CDK5R2: variants seen among roughly 807,000 people sequenced by gnomAD.
The protein encoded by CDK5R2 is cyclin dependent kinase 5 regulatory subunit 2.
In CDK5R2, 7 loss-of-function variants were observed where a neutral mutation model predicts 23.1. That is an observed-to-expected ratio of 0.30 (90% CI 0.17 to 0.57). The LOEUF (loss-of-function observed/expected upper bound fraction) is 0.57, where lower values mean the gene tolerates loss of function less well. Among genes scored for constraint, CDK5R2 ranks in the 20% least tolerant of loss-of-function variants. The probability of loss-of-function intolerance (pLI) is 0.91; values close to 1 mark genes in which losing one functional copy is unlikely to be tolerated. For synonymous variants in CDK5R2, 242 were observed against 264.9 expected (o/e 0.91, Z 0.84); for missense variants, 380 against 537.6 (o/e 0.71, Z 2.90).
Position 218,960,129 on chromosome 2 carries a change from C to T in CDK5R2, c.309C>T (p.Asn103=). 6.3e-7 allele frequency: 1 copy of T among 1,591,748 alleles called. No individual in the cohort carries two copies. The highest frequency in any genetic ancestry group is 8.5e-7 in the Non-Finnish European group (1 of 1,171,398). Residue 103 remains asparagine, a synonymous_variant, in exon 1 of 1, where the codon AAC becomes AAT. Transcript: ENST00000302625. ...TGGTCCAGCAACGCAACCGCGAGAA[C>T]CTTCTCCGCAAGGGCCGGGATCCCC... The part of the protein sequence containing the change: ...DPLVQQRNRE[N]LLRKGRDPPD...
Position 218,960,143 on chromosome 2 carries a change from G to C in CDK5R2, c.323G>C (p.Gly108Ala). 1.3e-6 allele frequency: 2 copies of C among 1,573,690 alleles called. No individual in the cohort carries two copies. The highest frequency in any genetic ancestry group is 2.3e-5 in the South Asian group (2 of 86,630). ...AACCGCGAGAACCTTCTCCGCAAGG[G>C]CCGGGATCCCCCCGACGGCGGCGGC... ...QRNRENLLRKGRDPPDGGGTA... is the reference protein window; with the variant it reads ...QRNRENLLRKARDPPDGGGTA... The change falls in exon 1 of 1, where the codon GGC (glycine) becomes GCC (alanine). Residue 108 changes from glycine (G) to alanine (A), a missense_variant. Gly to Ala is a moderately conservative substitution (Grantham distance 60). This residue lies in a region of CDK5R2 where 197 missense variants were observed against 246.4 expected (regional missense o/e 0.80). Coordinates refer to ENST00000302625, the MANE Select transcript of CDK5R2 (RefSeq NM_003936.5).
In CDK5R2 at chr2:218,960,289, C is replaced by A; in HGVS notation, c.469C>A (p.Pro157Thr). ...GGGCTCGGGCGGGGGAAAGCCTCCGCCGCCGCCTCCCCCAGCCCCGCAGGT... is the reference window on the plus strand; with the variant it reads ...GGGCTCGGGCGGGGGAAAGCCTCCGACGCCGCCTCCCCCAGCCCCGCAGGT... ...PPGSGGGKPP[P>T]PPPPAPQVAP... Residue 157 changes from proline (P) to threonine (T), a missense_variant, in exon 1 of 1, where the codon CCG (proline) becomes ACG (threonine). This residue lies in a region of CDK5R2 where 197 missense variants were observed against 246.4 expected (regional missense o/e 0.80). Transcript: ENST00000302625. The A allele has an allele frequency of 1.5e-6, 2 of 1,353,666 alleles. No individual in the cohort carries two copies. The allele number at this position is 1,353,666 out of a possible 1,614,324, so 83.9% of individuals were successfully genotyped here.
Position 218,960,610 on chromosome 2 carries a change from A to G in CDK5R2, c.790A>G (p.Thr264Ala). Residue 264 changes from threonine to alanine, a missense_variant, in exon 1 of 1, where the codon ACC becomes GCC. Thr to Ala is a moderately conservative substitution (Grantham distance 58). Coordinates refer to ENST00000302625, the MANE Select transcript of CDK5R2 (RefSeq NM_003936.5). ...SAAELQAAFL[T>A]CLYLAYSYMG... is the part of the protein sequence containing the mutation. ...CGCCGAGCTGCAGGCCGCCTTCCTCACCTGCCTCTACCTCGCCTACTCCTA... is the reference window on the plus strand; with the variant it reads ...CGCCGAGCTGCAGGCCGCCTTCCTCGCCTGCCTCTACCTCGCCTACTCCTA... 6.2e-7 allele frequency: 1 copy of G among 1,613,084 alleles called. No individual in the cohort carries two copies. The highest frequency in any genetic ancestry group is 8.5e-7 in the Non-Finnish European group (1 of 1,179,746).
rs11552546 is a variant in CDK5R2 at position 218,960,091 on chromosome 2, G to T, written c.271G>T (p.Gly91Cys). The T allele has an allele frequency of 4.4e-6, 7 of 1,602,064 alleles. No homozygotes were observed. Among genetic ancestry groups the T allele is most frequent in the Non-Finnish European group, 5.1e-6 (6 of 1,175,384 alleles). The change falls in exon 1 of 1, where the codon GGC becomes TGC. Residue 91 changes from glycine to cysteine, a missense_variant. Physicochemically the swap from Gly to Cys is radical, Grantham distance 159. Transcript: ENST00000302625. ...KKVTPKPASTGPDPLVQQRNR... is the reference protein window; with the variant it reads ...KKVTPKPASTCPDPLVQQRNR... ...GGTGACACCCAAGCCGGCATCCACG[G>T]GCCCCGACCCCCTGGTCCAGCAACG...
rs1945202239 is a variant in CDK5R2, at chr2:218,961,123, G to C, written c.*199G>C. The C allele has an allele frequency of 4.6e-6, 2 of 435,574 alleles. No homozygotes were observed. The highest frequency in any genetic ancestry group is 1.9e-4 in the South Asian group (2 of 10,648). The allele number at this position is 435,574 out of a possible 1,614,324, so 27.0% of individuals were successfully genotyped here. A position where few individuals can be genotyped will look rare whatever the true frequency, so the allele number is the denominator to read the frequency against. On this transcript the variant is annotated 3_prime_UTR_variant, in exon 1 of 1. Transcript: ENST00000302625. The surrounding 1 kb of genome is among the most constrained non-coding windows in gnomAD (Gnocchi z 4.4). ...TGTTTGGATTTGCTGGGCGTGGAGT[G>C]GGGACGGAAGATGAGCGCGGGAAAG...
rs1945201752 is a variant in CDK5R2, at chr2:218,961,062, A to C, written c.*138A>C. 2 of 479,334 alleles carry C rather than the reference A, an allele frequency of 4.2e-6. No individual in the cohort carries two copies. The highest frequency in any genetic ancestry group is 2.1e-5 in the African/African-American group (1 of 48,686). 29.7% of individuals were successfully genotyped at this position (479,334 alleles called of 1,614,324 possible). ...GGAGGAGGAGACGCCCATGCCCCTC[A>C]GGGGAAAGTGGAGACCGGGACACCA... On this transcript the variant is annotated 3_prime_UTR_variant, in exon 1 of 1. Transcript: ENST00000302625. This position sits in a 1 kb window ranked among gnomAD's most constrained non-coding sequence, Gnocchi z 4.4.
At position 218,961,900 on chromosome 2, in the gene CDK5R2, TG is replaced by T; in HGVS notation, c.*977del. 1 of 166,814 alleles carries T rather than the reference TG, an allele frequency of 6.0e-6. No individual in the cohort carries two copies. Among genetic ancestry groups the T allele is most frequent in the East Asian group, 1.9e-4 (1 of 5,142 alleles). The allele number at this position is 166,814 out of a possible 1,614,324, so 10.3% of individuals were successfully genotyped here. A position where few individuals can be genotyped will look rare whatever the true frequency, so the allele number is the denominator to read the frequency against. ...CCCGCTTCCTTATCCTTAGCTTTTT[TG>T]TTGCTCCTCCCCACTGCCCCTTTTA... On this transcript the variant is annotated 3_prime_UTR_variant, in exon 1 of 1. Transcript: ENST00000302625. This position sits in a 1 kb window ranked among gnomAD's most constrained non-coding sequence, Gnocchi z 4.4.
chr2:218,959,775 G>A lies in CDK5R2; in HGVS notation c.-46G>A. 8.1e-7 allele frequency: 1 copy of A among 1,235,114 alleles called. No individual in the cohort carries two copies. Among genetic ancestry groups the A allele is most frequent in the Non-Finnish European group, 1.0e-6 (1 of 990,770 alleles). The allele number at this position is 1,235,114 out of a possible 1,614,324, so 76.5% of individuals were successfully genotyped here. A position where few individuals can be genotyped will look rare whatever the true frequency, so the allele number is the denominator to read the frequency against. On this transcript the variant is annotated 5_prime_UTR_variant, in exon 1 of 1. Coordinates refer to ENST00000302625, the MANE Select transcript of CDK5R2 (RefSeq NM_003936.5). This position sits in a 1 kb window ranked among gnomAD's most constrained non-coding sequence, Gnocchi z 4.0. The stretch of plus-strand genomic sequence containing the variant: ...CCGGGGCTGCAGTAGCAGCGGCGCC[G>A]CCCGCGGCTCCCGCTGGGGCCTGGG...
chr2:218,960,239 G>T lies in CDK5R2; in HGVS notation c.419G>T (p.Gly140Val). 7.7e-7 allele frequency: 1 copy of T among 1,295,596 alleles called. No individual in the cohort carries two copies. Among genetic ancestry groups the T allele is most frequent in the Non-Finnish European group, 9.7e-7 (1 of 1,028,818 alleles). 80.3% of individuals were successfully genotyped at this position (1,295,596 alleles called of 1,614,324 possible). A position where few individuals can be genotyped will look rare whatever the true frequency, so the allele number is the denominator to read the frequency against. Residue 140 changes from glycine to valine, a missense_variant, in exon 1 of 1, where the codon GGG (glycine) becomes GTG (valine). Around this residue, in one of 3 missense-constraint regions of CDK5R2, gnomAD observed 197 missense variants for 246.4 expected, o/e 0.80. Transcript: ENST00000302625. ...GCCGCCACCTGCGAGCCACCGTCGG[G>T]GGGCAGCGCGGCCGCTCAGCCGCCG... Reference protein sequence around the residue: ...AAAATCEPPSGGSAAAQPPGS... With the variant: ...AAAATCEPPSVGSAAAQPPGS...
Position 218,960,419 on chromosome 2 carries a change from G to A in CDK5R2, c.599G>A (p.Arg200His), listed in dbSNP as rs1244234731. ...GACTTCGTGTGCCGACGCTGCTATC[G>A]CCTCAAGGAGCTGAGCCCGGGCGAG... The part of the protein sequence containing the change: ...LGDFVCRRCY[R>H]LKELSPGELV... The change falls in exon 1 of 1, where the codon CGC (arginine) becomes CAC (histidine). Residue 200 changes from arginine to histidine, a missense_variant. This residue lies in a region of CDK5R2 where 124 missense variants were observed against 235.5 expected (regional missense o/e 0.53). Transcript: ENST00000302625. The A allele has an allele frequency of 6.2e-7, 1 of 1,608,654 alleles. No individual in the cohort carries two copies. Among genetic ancestry groups the A allele is most frequent in the East Asian group, 2.2e-5 (1 of 44,824 alleles).
rs1945211891 is a variant in CDK5R2 at position 218,962,026 on chromosome 2, G to C, written c.*1102G>C. 1 of 167,250 alleles carries C rather than the reference G, an allele frequency of 6.0e-6. No homozygotes were observed. Among genetic ancestry groups the C allele is most frequent in the South Asian group, 2.1e-4 (1 of 4,834 alleles). 10.4% of individuals were successfully genotyped at this position (167,250 alleles called of 1,614,324 possible). A position where few individuals can be genotyped will look rare whatever the true frequency, so the allele number is the denominator to read the frequency against. ...GGGCGGGACCGGAATCCTCCCGGTA[G>C]GGTACCAGGGACTGAGTTGGGCCTG... On this transcript the variant is annotated 3_prime_UTR_variant, in exon 1 of 1. Transcript: ENST00000302625.
Position 218,961,144 on chromosome 2 carries a change from G to A in CDK5R2, c.*220G>A. Reference sequence around the variant, plus strand: ...GAGTGGGGACGGAAGATGAGCGCGGGAAAGGCACTCCAACCTCACTCTTCC... The same window carrying A: ...GAGTGGGGACGGAAGATGAGCGCGGAAAAGGCACTCCAACCTCACTCTTCC... On this transcript the variant is annotated 3_prime_UTR_variant, in exon 1 of 1. Transcript: ENST00000302625. The surrounding 1 kb of genome is among the most constrained non-coding windows in gnomAD (Gnocchi z 4.4). 2.3e-6 allele frequency: 1 copy of A among 427,386 alleles called. No individual in the cohort carries two copies. The highest frequency in any genetic ancestry group is 4.2e-6 in the Non-Finnish European group (1 of 238,530). The allele number at this position is 427,386 out of a possible 1,614,324, so 26.5% of individuals were successfully genotyped here. A position where few individuals can be genotyped will look rare whatever the true frequency, so the allele number is the denominator to read the frequency against.
At position 218,959,991 on chromosome 2, in the gene CDK5R2, G is replaced by A; in HGVS notation, c.171G>A (p.Pro57=). The change falls in exon 1 of 1, where the codon CCG becomes CCA. Residue 57 remains proline, a synonymous_variant. Coordinates refer to ENST00000302625, the MANE Select transcript of CDK5R2 (RefSeq NM_003936.5). This position sits in a 1 kb window ranked among gnomAD's most constrained non-coding sequence, Gnocchi z 4.0. Reference sequence around the variant, plus strand: ...AAGGCGAGAGCCGACTCAAGCGGCCGTCCGTGCTCATCTCGGCGCTCACCT... The same window carrying A: ...AAGGCGAGAGCCGACTCAAGCGGCCATCCGTGCTCATCTCGGCGCTCACCT... The part of the protein sequence containing the change: ...GGKGESRLKR[P]SVLISALTWK... The A allele has an allele frequency of 1.9e-6, 3 of 1,565,112 alleles. No homozygotes were observed. Among genetic ancestry groups the A allele is most frequent in the Non-Finnish European group, 2.6e-6 (3 of 1,158,196 alleles).
chr2:218,960,837 G>T lies in CDK5R2; in HGVS notation c.1017G>T (p.Pro339=). 1 of 1,521,268 alleles carries T rather than the reference G, an allele frequency of 6.6e-7. No individual in the cohort carries two copies. Among genetic ancestry groups the T allele is most frequent in the South Asian group, 1.3e-5 (1 of 78,832 alleles). The allele number at this position is 1,521,268 out of a possible 1,614,324, so 94.2% of individuals were successfully genotyped here. Reference sequence around the variant, plus strand: ...CCGCCGCCAGCGGCGGGGGCCCACCGAGCGGGGGCGCGCCCGCCGCCTCCT... The same window carrying T: ...CCGCCGCCAGCGGCGGGGGCCCACCTAGCGGGGGCGCGCCCGCCGCCTCCT... ...GEAAASGGGP[P]SGGAPAASSA... Residue 339 remains proline, a synonymous_variant, in exon 1 of 1, where the codon CCG becomes CCT. Transcript: ENST00000302625.
chr2:218,959,760 A>T lies in CDK5R2; in HGVS notation c.-61A>T, dbSNP rs890549077. On this transcript the variant is annotated 5_prime_UTR_variant, in exon 1 of 1. Coordinates refer to ENST00000302625, the MANE Select transcript of CDK5R2 (RefSeq NM_003936.5). The surrounding 1 kb of genome is among the most constrained non-coding windows in gnomAD (Gnocchi z 4.0). ...CCACCGCCGGGTCCCCCGGGGCTGCAGTAGCAGCGGCGCCGCCCGCGGCTC... is the reference window on the plus strand; with the variant it reads ...CCACCGCCGGGTCCCCCGGGGCTGCTGTAGCAGCGGCGCCGCCCGCGGCTC... 785 of 1,232,234 alleles carry T rather than the reference A, an allele frequency of 6.4e-4. No homozygotes were observed. The highest frequency in any genetic ancestry group is 7.1e-4 in the Non-Finnish European group (707 of 989,074). 76.3% of individuals were successfully genotyped at this position (1,232,234 alleles called of 1,614,324 possible). A position where few individuals can be genotyped will look rare whatever the true frequency, so the allele number is the denominator to read the frequency against.
rs1340525896 is a variant in CDK5R2, at chr2:218,961,021, A to G, written c.*97A>G. 3 of 608,120 alleles carry G rather than the reference A, an allele frequency of 4.9e-6. No homozygotes were observed. Among genetic ancestry groups the G allele is most frequent in the African/African-American group, 2.0e-5 (1 of 50,970 alleles). 37.7% of individuals were successfully genotyped at this position (608,120 alleles called of 1,614,324 possible). A position where few individuals can be genotyped will look rare whatever the true frequency, so the allele number is the denominator to read the frequency against. ...GCCACCGCCGCTGTTACCGCCGCTC[A>G]GCGCCCCGGCTGGGCGGAGGAGGAG... On this transcript the variant is annotated 3_prime_UTR_variant, in exon 1 of 1. Transcript: ENST00000302625. This position sits in a 1 kb window ranked among gnomAD's most constrained non-coding sequence, Gnocchi z 4.4.
chr2:218,960,440 G>A lies in CDK5R2; in HGVS notation c.620G>A (p.Gly207Asp). Residue 207 changes from glycine (G) to aspartate (D), a missense_variant, in exon 1 of 1, where the codon GGC (glycine) becomes GAC (aspartate). Gly to Asp is a moderately conservative substitution (Grantham distance 94, BLOSUM62 -1). Coordinates refer to ENST00000302625, the MANE Select transcript of CDK5R2 (RefSeq NM_003936.5). ...RCYRLKELSPGELVGWFRGVD... is the reference protein window; with the variant it reads ...RCYRLKELSPDELVGWFRGVD... ...TATCGCCTCAAGGAGCTGAGCCCGG[G>A]CGAGCTGGTGGGCTGGTTCCGCGGT... 6.2e-7 allele frequency: 1 copy of A among 1,611,656 alleles called. No homozygotes were observed. The highest frequency in any genetic ancestry group is 8.5e-7 in the Non-Finnish European group (1 of 1,179,832).
Position 218,960,263 on chromosome 2 carries a change from C to A in CDK5R2, c.443C>A (p.Pro148Gln). The A allele has an allele frequency of 7.9e-7, 1 of 1,267,726 alleles. No homozygotes were observed. The highest frequency in any genetic ancestry group is 9.9e-7 in the Non-Finnish European group (1 of 1,014,248). 78.5% of individuals were successfully genotyped at this position (1,267,726 alleles called of 1,614,324 possible). ...GGGGGCAGCGCGGCCGCTCAGCCGC[C>A]GGGCTCGGGCGGGGGAAAGCCTCCG... ...PSGGSAAAQPPGSGGGKPPPP... is the reference protein window; with the variant it reads ...PSGGSAAAQPQGSGGGKPPPP... Residue 148 changes from proline to glutamine, a missense_variant, in exon 1 of 1, where the codon CCG becomes CAG. By Grantham distance (76) the Pro-to-Gln change is moderately conservative. Around this residue, in one of 3 missense-constraint regions of CDK5R2, gnomAD observed 197 missense variants for 246.4 expected, o/e 0.80. Transcript: ENST00000302625.
At position 218,961,919 on chromosome 2, in the gene CDK5R2, C is replaced by G. The variant is rs1945210499; in HGVS notation, c.*995C>G. Reference sequence around the variant, plus strand: ...CTTTTTTGTTGCTCCTCCCCACTGCCCCTTTTAATTTATTTGGTTGTTTGC... The same window carrying G: ...CTTTTTTGTTGCTCCTCCCCACTGCGCCTTTTAATTTATTTGGTTGTTTGC... On this transcript the variant is annotated 3_prime_UTR_variant, in exon 1 of 1. Transcript: ENST00000302625. This position sits in a 1 kb window ranked among gnomAD's most constrained non-coding sequence, Gnocchi z 4.4. 1 of 167,124 alleles carries G rather than the reference C, an allele frequency of 6.0e-6. No homozygotes were observed. Among genetic ancestry groups the G allele is most frequent in the Non-Finnish European group, 1.5e-5 (1 of 68,230 alleles). The allele number at this position is 167,124 out of a possible 1,614,324, so 10.4% of individuals were successfully genotyped here. A position where few individuals can be genotyped will look rare whatever the true frequency, so the allele number is the denominator to read the frequency against.
Sources: gnomAD v4.1 joint callset for allele counts on GRCh38, gnomAD v4.1.1 for gene constraint, gnomAD v4.1.1 regional missense constraint, Gnocchi (gnomAD v3.1) non-coding constraint, MANE v1.5 for transcripts, NCBI Gene and HGNC (gene_info 2026-07-23, HGNC 2026-07-21) for gene names.